CHSY3: variants seen among roughly 807,000 people sequenced by gnomAD.
CHSY3 encodes N-acetylgalactosaminyl-proteoglycan 3-beta-glucuronosyltransferase 3.
Under a neutral mutation model 67.2 loss-of-function variants are expected in CHSY3, and 35 were observed. That is an observed-to-expected ratio of 0.52 (90% CI 0.40 to 0.69). CHSY3 has a LOEUF of 0.69. CHSY3 is among the 30% of genes least tolerant of loss of function. The pLI is 0.00. For missense variants in CHSY3, 1,069 were observed against 1,138.5 expected (o/e 0.94, Z 0.88); for synonymous variants, 474 against 434.7 (o/e 1.09, Z -1.12).
intron 2 of CHSY3, among the ~76,000 whole-genome samples, chr5:130,135,110 AACAT>A (rs897741225): frequency 6.6e-6 from 1 of 152,000 alleles, no homozygotes; most frequent in African/African-American, 2.4e-5. Flanking sequence ...TATATTTTTA[AACAT>A]ACATACAGTT....
At chr5:129,918,808 T>TA (rs67920872) in intron 2 of CHSY3, among the ~76,000 whole-genome samples, 121,937 of 145,288 alleles carry the variant, frequency 0.84, 51,773 homozygotes, top group East Asian at 0.98. Context: ...GATTCTCTTT[T>TA]AAAAAAAAAA....
intron 2 of CHSY3, among the ~76,000 whole-genome samples, chr5:130,081,674 T>C (rs984811898): frequency 6.6e-6 from 1 of 152,008 alleles, no homozygotes; most frequent in African/African-American, 2.4e-5. Flanking sequence ...TCATGAGATC[T>C]GATGGTTTTA....
At chr5:129,910,220 C>G (rs1760488585) in intron 2 of CHSY3, among the ~76,000 whole-genome samples, 1 of 151,928 alleles carries the variant, frequency 6.6e-6, no homozygotes, top group Non-Finnish European at 1.5e-5. Flanking sequence ...AAAAGAGATT[C>G]CAAGTCTTAC....
chr5:130,102,858 CCTA>C (rs1057232299), intron 2 of CHSY3, among the ~76,000 whole-genome samples: 54 of 152,126 alleles, frequency 3.5e-4, no homozygotes, highest in African/African-American at 1.1e-3. Context: ...CACCTTCTCT[CCTA>C]CACATTTTTT....
At chr5:130,143,826 A>ATATATG (rs1768988564) in intron 2 of CHSY3, among the ~76,000 whole-genome samples, 1 of 128,652 alleles carries the variant, frequency 7.8e-6, no homozygotes, top group Non-Finnish European at 1.6e-5. Context: ...ATATATATAT[A>ATATATG]TATATATATA....
At chr5:129,967,625 T>C (rs374317492) in intron 2 of CHSY3, among the ~76,000 whole-genome samples, 1 of 151,872 alleles carries the variant, frequency 6.6e-6, no homozygotes, top group Non-Finnish European at 1.5e-5. Flanking sequence ...TGAATTGCAG[T>C]ACAGACCTTT....
chr5:130,097,386 A>T (rs1259031013), intron 2 of CHSY3, among the ~76,000 whole-genome samples: 1 of 152,214 alleles, frequency 6.6e-6, no homozygotes, highest in African/African-American at 2.4e-5. Context: ...CTCAGGGAAG[A>T]GCAGTTCAAA....
intron 2 of CHSY3, among the ~76,000 whole-genome samples, chr5:130,120,904 A>T (rs900535047): frequency 1.3e-5 from 2 of 152,192 alleles, no homozygotes; most frequent in African/African-American, 4.8e-5. Context: ...GAGTCTAGGT[A>T]TGTGGGATGG....
chr5:130,041,015 C>T (rs561132323), intron 2 of CHSY3, among the ~76,000 whole-genome samples: 1 of 152,130 alleles, frequency 6.6e-6, no homozygotes, highest in South Asian at 2.1e-4. Flanking sequence ...CCTACTTGTC[C>T]CAGCTGTTGG....
chr5:129,904,024 G>A (rs946008731), upstream of CHSY3, among the ~76,000 whole-genome samples: 10 of 152,152 alleles, frequency 6.6e-5, no homozygotes, highest in Non-Finnish European at 1.5e-4. Flanking sequence ...CGGTGGGACA[G>A]CAACGAACTT....
In CHSY3 at chr5:130,091,722, A is replaced by G. The variant is rs562570971; in HGVS notation, c.1087-92507A>G. Among the ~76,000 whole-genome samples the G allele has an allele frequency of 6.6e-5, 10 of 152,308 alleles. No individual in the cohort carries two copies. The East Asian group carries it at 1.7e-3, about 26-fold the overall frequency. Reference sequence around the variant, plus strand: ...ACATAAATGCCTGTTCACTCTAGCAATGCGTTATATTTAGATAGGGGGAAA... The same window carrying G: ...ACATAAATGCCTGTTCACTCTAGCAGTGCGTTATATTTAGATAGGGGGAAA... On this transcript the variant is annotated intron_variant, in intron 2 of 2. Coordinates refer to ENST00000305031, the MANE Select transcript of CHSY3 (RefSeq NM_175856.5).
At chr5:130,134,340 C>T (rs1248971475) in intron 2 of CHSY3, among the ~76,000 whole-genome samples, 2 of 152,146 alleles carry the variant, frequency 1.3e-5, no homozygotes, top group Non-Finnish European at 2.9e-5. Context: ...GAGCCTTAGA[C>T]ATCAAAATAT....
intron 2 of CHSY3, among the ~76,000 whole-genome samples, chr5:130,135,540 C>G (rs1481712315): frequency 6.6e-6 from 1 of 152,174 alleles, no homozygotes. Flanking sequence ...AAAGCCCACA[C>G]CAGTCATGTT....
At chr5:129,915,194 TA>T (rs993863834) in intron 2 of CHSY3, among the ~76,000 whole-genome samples, 1 of 152,130 alleles carries the variant, frequency 6.6e-6, no homozygotes, top group African/African-American at 2.4e-5. Context: ...GCATTTCAGT[TA>T]AAAAAATTCA....
rs1298647034 is a variant in CHSY3 at position 130,178,251 on chromosome 5, A to ATTTTTTTTT, written c.1087-5977_1087-5976insTTTTTTTTT. ...TTTATATATATATATATATATATAT[A>ATTTTTTTTT]TATTTTTTTTTTTTTTTTTCCTGAG... On this transcript the variant is annotated intron_variant, in intron 2 of 2. Coordinates refer to ENST00000305031, the MANE Select transcript of CHSY3 (RefSeq NM_175856.5). 6.4e-5 allele frequency among the ~76,000 whole-genome samples: 4 copies of ATTTTTTTTT among 62,748 alleles called. No homozygotes were observed. The East Asian group carries it at 1.7e-3, about 26-fold the overall frequency. 41.2% of individuals were successfully genotyped at this position (62,748 alleles called of 152,430 possible).
At chr5:130,108,726 A>C (rs1015056109) in intron 2 of CHSY3, among the ~76,000 whole-genome samples, 1 of 151,718 alleles carries the variant, frequency 6.6e-6, no homozygotes, top group African/African-American at 2.4e-5. Context: ...CTGCATTCAC[A>C]CTTAGGCTTT....
chr5:130,128,253 T>TGTGTGTGTGTGCGC lies in CHSY3; in HGVS notation c.1087-55975_1087-55974insTGTGTGTGTGCGCG, dbSNP rs760472284. On this transcript the variant is annotated intron_variant, in intron 2 of 2. Transcript: ENST00000305031. The stretch of plus-strand genomic sequence containing the variant: ...TGGTGTGTGTGTGTGTGTGTGTGTG[T>TGTGTGTGTGTGCGC]GCGCTCACATGCTCAGGCATGCACA... 1.1e-3 allele frequency among the ~76,000 whole-genome samples: 172 copies of TGTGTGTGTGTGCGC among 151,028 alleles called. No individual in the cohort carries two copies. In the Middle Eastern group the frequency reaches 0.014, roughly 12 times the overall value.
chr5:129,948,408 C>T (rs1761928792), intron 2 of CHSY3, among the ~76,000 whole-genome samples: 1 of 152,174 alleles, frequency 6.6e-6, no homozygotes, highest in Non-Finnish European at 1.5e-5. Context: ...TAGCTTACCT[C>T]CCACTTACAA....
chr5:130,136,040 TAAAGA>T (rs1042235773), intron 2 of CHSY3, among the ~76,000 whole-genome samples: 8 of 152,184 alleles, frequency 5.3e-5, no homozygotes, highest in Non-Finnish European at 1.2e-4. Context: ...TTAAAGCTGT[TAAAGA>T]AAACAAGCGA....
Sources: gnomAD v4.1 joint callset for allele counts (sites outside exome capture counted in the v4.1 genomes callset) on GRCh38, gnomAD v4.1.1 for gene constraint, MANE v1.5 for transcripts, NCBI Gene and HGNC (gene_info 2026-07-23, HGNC 2026-07-21) for gene names.